MYRIP: variants seen among roughly 807,000 people sequenced by gnomAD.
The protein encoded by MYRIP is myosin VIIA and Rab interacting protein, also known as rab effector MyRIP.
MYRIP carries 49 observed loss-of-function variants against 98.0 expected under a neutral mutation model. That is an observed-to-expected ratio of 0.50 (90% CI 0.40 to 0.63). The LOEUF is 0.63. Ranked by LOEUF, MYRIP falls within the 30% of genes least tolerant of loss-of-function variation. The probability of loss-of-function intolerance (pLI) is 0.00; values close to 1 mark genes in which losing one functional copy is unlikely to be tolerated. For missense variants in MYRIP, 1,004 were observed against 1,058.2 expected, an observed-to-expected ratio of 0.95 and a Z score of 0.71; for synonymous variants, 404 against 409.5, an observed-to-expected ratio of 0.99 and a Z score of 0.16.
chr3:40,054,155 A>G (rs532938853), intron 3 of MYRIP, among the ~76,000 whole-genome samples: 32 of 152,294 alleles, frequency 2.1e-4, no homozygotes, highest in African/African-American at 7.0e-4. Context: ...TTCTTAGTGA[A>G]AGTATATACC....
intron 9 of MYRIP, among the ~76,000 whole-genome samples, chr3:40,186,673 TA>T (rs1237603207): frequency 9.9e-5 from 15 of 152,118 alleles, no homozygotes; most frequent in African/African-American, 3.4e-4. Flanking sequence ...AAGCCTCAAG[TA>T]AAGACTTGCA....
At chr3:40,077,236 A>G (rs1948364428) in intron 3 of MYRIP, among the ~76,000 whole-genome samples, 1 of 152,158 alleles carries the variant, frequency 6.6e-6, no homozygotes, top group African/African-American at 2.4e-5. Context: ...GATTTATTGC[A>G]AAGAGCGAAA....
chr3:39,967,146 GA>G (rs1300406575), intron 2 of MYRIP, among the ~76,000 whole-genome samples: 1 of 152,108 alleles, frequency 6.6e-6, no homozygotes, highest in African/African-American at 2.4e-5. Context: ...GCGTATATGT[GA>G]AAGTTTGTCA....
chr3:39,885,202 CTT>C (rs1412072969), intron 1 of MYRIP, among the ~76,000 whole-genome samples: 17 of 151,694 alleles, frequency 1.1e-4, no homozygotes, highest in African/African-American at 4.1e-4. Flanking sequence ...CTATTTTTCT[CTT>C]TGTCTATTTT....
chr3:39,981,725 G>A (rs928919733), intron 2 of MYRIP, among the ~76,000 whole-genome samples: 2 of 152,148 alleles, frequency 1.3e-5, no homozygotes, highest in Admixed American at 1.3e-4. Context: ...AATTTTATCT[G>A]ACAAATTTCT....
intron 11 of MYRIP, among the ~76,000 whole-genome samples, chr3:40,219,084 G>T (rs935153440): frequency 3.9e-5 from 6 of 152,124 alleles, no homozygotes; most frequent in African/African-American, 9.7e-5. Context: ...AGGAATATTA[G>T]ATTAACAAAT....
intron 3 of MYRIP, among the ~76,000 whole-genome samples, chr3:40,148,803 T>C (rs888158899): frequency 6.6e-6 from 1 of 152,232 alleles, no homozygotes; most frequent in Non-Finnish European, 1.5e-5. Context: ...TTGTCATCTA[T>C]TCATATTTTT....
intron 2 of MYRIP, among the ~76,000 whole-genome samples, chr3:40,002,418 C>T (rs1946538780): frequency 6.6e-6 from 1 of 151,980 alleles, no homozygotes; most frequent in African/African-American, 2.4e-5. Flanking sequence ...GCCTGTAATC[C>T]CAGCTCCTTG....
chr3:40,066,327 G>C (rs1322019715), intron 3 of MYRIP, among the ~76,000 whole-genome samples: 3 of 152,184 alleles, frequency 2.0e-5, no homozygotes, highest in Admixed American at 6.5e-5. Flanking sequence ...AGACCATCCT[G>C]ATATGTTAAG....
chr3:40,243,365 G>T (rs774463602), intron 12 of MYRIP, among the ~76,000 whole-genome samples: 18 of 146,462 alleles, frequency 1.2e-4, no homozygotes, highest in Non-Finnish European at 1.8e-4. Flanking sequence ...AACATCTCAG[G>T]CTTCTTTCCC....
chr3:39,844,432 T>C (rs372770713), intron 1 of MYRIP, among the ~76,000 whole-genome samples: 2 of 152,204 alleles, frequency 1.3e-5, no homozygotes, highest in East Asian at 1.9e-4. Flanking sequence ...CCCCTGCTTA[T>C]ATTGGTTGAT....
intron 10 of MYRIP, among the ~76,000 whole-genome samples, chr3:40,194,634 G>A (rs1445280058): frequency 6.6e-6 from 1 of 152,054 alleles, no homozygotes; most frequent in East Asian, 1.9e-4. Flanking sequence ...GATTGGAATT[G>A]CGTTAAATGT....
Position 39,951,574 on chromosome 3 carries a change from G to A in MYRIP, c.110+50648G>A, listed in dbSNP as rs1945016757. On this transcript the variant is annotated intron_variant, in intron 2 of 16. Coordinates refer to ENST00000302541, the MANE Select transcript of MYRIP (RefSeq NM_015460.4). ...GGTCTTAGGTTAAACTAATGAGCAT[G>A]GCTATCTTTCAATAAACTTTGTGAA... is the stretch of plus-strand genomic sequence containing the variant. Among the ~76,000 whole-genome samples the A allele has an allele frequency of 2.0e-5, 3 of 152,140 alleles. No homozygotes were observed. The South Asian group carries it at 6.2e-4, about 32-fold the overall frequency.
chr3:40,204,151 TAAA>T lies in MYRIP; in HGVS notation c.1666-5702_1666-5700del, dbSNP rs1559451828. ...ATTATATAATATATTATATAATATA[TAAA>T]TATATAATATAATATTTATATATTA... On this transcript the variant is annotated intron_variant, in intron 10 of 16. Coordinates refer to ENST00000302541, the MANE Select transcript of MYRIP (RefSeq NM_015460.4). Among the ~76,000 whole-genome samples the T allele has an allele frequency of 1.3e-3, 19 of 14,104 alleles. 1 individual carries two copies. Among genetic ancestry groups the T allele is most frequent in the South Asian group, 3.2e-3 (2 of 624 alleles). The allele number at this position is 14,104 out of a possible 152,430, so 9.3% of individuals were successfully genotyped here.
intron 3 of MYRIP, among the ~76,000 whole-genome samples, chr3:40,051,256 G>A (rs1947788790): frequency 6.6e-6 from 1 of 152,032 alleles, no homozygotes; most frequent in Non-Finnish European, 1.5e-5. Flanking sequence ...AACTGCCAAA[G>A]CCACCCCAAA....
intron 1 of MYRIP, among the ~76,000 whole-genome samples, chr3:39,861,467 C>G (rs970557510): frequency 3.9e-5 from 6 of 152,172 alleles, no homozygotes; most frequent in Non-Finnish European, 8.8e-5. Context: ...CACACTAGTT[C>G]TGCAACAGTG....
chr3:40,241,590 C>T (rs1438531745), intron 12 of MYRIP, among the ~76,000 whole-genome samples: 1 of 152,162 alleles, frequency 6.6e-6, no homozygotes, highest in East Asian at 1.9e-4. Flanking sequence ...TGAAGACCTG[C>T]AGTAAAGAAA....
At chr3:39,825,791 G>A (rs1941245442) in intron 1 of MYRIP, among the ~76,000 whole-genome samples, 1 of 152,050 alleles carries the variant, frequency 6.6e-6, no homozygotes, top group African/African-American at 2.4e-5. Context: ...AGAATTTAGT[G>A]GTGAAATCAT....
intron 2 of MYRIP, among the ~76,000 whole-genome samples, chr3:40,031,790 T>C (rs1010663966): frequency 2.1e-4 from 32 of 152,184 alleles, no homozygotes; most frequent in Admixed American, 6.5e-4. Flanking sequence ...GTGTTTATAG[T>C]ATTCTCTGAT....
Sources: gnomAD v4.1 joint callset for allele counts (sites outside exome capture counted in the v4.1 genomes callset) on GRCh38, gnomAD v4.1.1 for gene constraint, MANE v1.5 for transcripts, NCBI Gene and HGNC (gene_info 2026-07-23, HGNC 2026-07-21) for gene names.